PDK2: variants seen among roughly 807,000 people sequenced by gnomAD.
PDK2 encodes the protein pyruvate dehydrogenase kinase, isozyme 2.
A neutral mutation model predicts 50.4 loss-of-function variants in PDK2; 34 were observed. The observed-to-expected ratio is 0.68, with a 90% CI of 0.51 to 0.90. PDK2 has a LOEUF of 0.90. Among genes scored for constraint, PDK2 ranks in the 40% least tolerant of loss-of-function variants. The pLI is 0.00. For missense variants in PDK2, 377 were observed against 544.5 expected, an observed-to-expected ratio of 0.69 and a Z score of 3.06; for synonymous variants, 232 against 216.0, an observed-to-expected ratio of 1.07 and a Z score of -0.65.
chr17:50,095,904 A>T, intron 1 of PDK2: 1 of 698,346 alleles, frequency 1.4e-6, no homozygotes. Context: ...TCATGACTGG[A>T]GGAGTAGGGG....
rs1179128049 is a variant in PDK2, at chr17:50,095,522, C to T, written c.87C>T (p.Ser29=). ...AGCACTTCAGCAAGTTCTCCCCGTC[C>T]CCGCTGTCCATGAAGCAGTTTCTGG... ...YIEHFSKFSP[S]PLSMKQFLDF... Residue 29 remains serine, a synonymous_variant, in exon 1 of 11, where the codon TCC becomes TCT. Transcript: ENST00000503176. 6.2e-7 allele frequency: 1 copy of T among 1,607,258 alleles called. No homozygotes were observed. The highest frequency in any genetic ancestry group is 1.1e-5 in the South Asian group (1 of 89,556).
Position 50,106,083 on chromosome 17 carries a change from A to G in PDK2, c.517+14A>G. 5 of 1,588,708 alleles carry G rather than the reference A, an allele frequency of 3.1e-6. No individual in the cohort carries two copies. The highest frequency in any genetic ancestry group is 4.3e-6 in the Non-Finnish European group (5 of 1,167,118). On this transcript the variant is annotated intron_variant, in intron 4 of 10. Transcript: ENST00000503176. ...TCAACCAGCACAGTGGGTGCCGGCC[A>G]CAGCGGCGGGGAGCGGGCGGTGGGG...
intron 6 of PDK2, chr17:50,107,896 G>A (rs974475104): frequency 7.2e-5 from 38 of 528,370 alleles, no homozygotes; most frequent in Non-Finnish European, 1.1e-4. Context: ...TGCTGGACAG[G>A]TCAGGGCTGG....
At chr17:50,096,008 G>T (rs1281321679) in intron 1 of PDK2, 3 of 599,966 alleles carry the variant, frequency 5.0e-6, no homozygotes, top group Admixed American at 6.3e-5. Flanking sequence ...ACCTGGACTG[G>T]GCATGAAGGG....
rs1910543492 is a variant in PDK2, at chr17:50,106,870, T to C, written c.594T>C (p.Ser198=). 1.2e-6 allele frequency: 2 copies of C among 1,614,014 alleles called. No individual in the cohort carries two copies. Among genetic ancestry groups the C allele is most frequent in the Non-Finnish European group, 1.7e-6 (2 of 1,179,948 alleles). The change falls in exon 5 of 11, where the codon TCT becomes TCC. Residue 198 remains serine (S), a synonymous_variant. Coordinates refer to ENST00000503176, the MANE Select transcript of PDK2 (RefSeq NM_002611.5). The part of the protein sequence containing the change: ...IGSIDPNCNV[S]EVVKDAYDMA... ...GCATCGACCCCAACTGCAACGTCTC[T>C]GAGGTGGTCAAAGGTGAGCCATTCC...
chr17:50,095,937 C>T, intron 1 of PDK2: 2 of 515,388 alleles, frequency 3.9e-6, no homozygotes, highest in Non-Finnish European at 5.1e-6. Context: ...CCAGAGGAAA[C>T]CGGGGGTCTG....
chr17:50,108,782 C>T, intron 9 of PDK2, 63 bp downstream of exon 9: 1 of 962,294 alleles, frequency 1.0e-6, no homozygotes, highest in Admixed American at 2.1e-5. Flanking sequence ...TCACTCACTT[C>T]CTTATCTCCC....
rs1910230328 is a variant in PDK2 at position 50,101,556 on chromosome 17, A to T, written c.261-3815A>T. 4.1e-5 allele frequency among the ~76,000 whole-genome samples: 6 copies of T among 145,646 alleles called. No homozygotes were observed. The highest frequency in any genetic ancestry group is 4.0e-4 in the Admixed American group (6 of 15,078). ...ACACCCTGCTCCCCAGCAGCTGTGGATACGAGTGCACAGGGCACACCCTCG... is the reference window on the plus strand; with the variant it reads ...ACACCCTGCTCCCCAGCAGCTGTGGTTACGAGTGCACAGGGCACACCCTCG... On this transcript the variant is annotated intron_variant, in intron 2 of 10. Coordinates refer to ENST00000503176, the MANE Select transcript of PDK2 (RefSeq NM_002611.5). The surrounding 1 kb of genome is among the most constrained non-coding windows in gnomAD (Gnocchi z 4.2).
At chr17:50,108,800 T>A in intron 9 of PDK2, 81 bp downstream of exon 9, 1 of 865,902 alleles carries the variant, frequency 1.2e-6, no homozygotes, top group Non-Finnish European at 1.9e-6. Context: ...CCCTGCTCAC[T>A]CAGCTTCTGT....
intron 2 of PDK2, chr17:50,100,879 A>G (rs1297047130): frequency 6.6e-6 from 1 of 152,154 alleles, no homozygotes; most frequent in Non-Finnish European, 1.5e-5. Context: ...GGGAGCCTGC[A>G]CTCTGGGCAG....
rs1172521164 is a variant in PDK2 at position 50,095,429 on chromosome 17, C to G, written c.-7C>G. ...GGACCACAACCAAAGTCGCGGCCGCCGCAGCCATGCGCTGGGTGTGGGCGC... is the reference window on the plus strand; with the variant it reads ...GGACCACAACCAAAGTCGCGGCCGCGGCAGCCATGCGCTGGGTGTGGGCGC... On this transcript the variant is annotated 5_prime_UTR_variant, in exon 1 of 11. Coordinates refer to ENST00000503176, the MANE Select transcript of PDK2 (RefSeq NM_002611.5). The G allele has an allele frequency of 1.3e-6, 2 of 1,591,694 alleles. No homozygotes were observed. Among genetic ancestry groups the G allele is most frequent in the African/African-American group, 1.3e-5 (1 of 74,520 alleles).
intron 3 of PDK2, 145 bp from the exon 4 acceptor site, chr17:50,105,740 G>A (rs2144365826): frequency 4.3e-6 from 5 of 1,159,110 alleles, no homozygotes; most frequent in South Asian, 3.1e-5. Flanking sequence ...TAAAAGATCA[G>A]AGTGGGCTTT....
intron 6 of PDK2, among the ~76,000 whole-genome samples, chr17:50,107,842 C>T (rs1280804778): frequency 6.6e-6 from 1 of 152,178 alleles, no homozygotes; most frequent in Non-Finnish European, 1.5e-5. Flanking sequence ...AACCCCAATA[C>T]CAGTGGCTTA....
intron 5 of PDK2, 91 bp downstream of exon 5, chr17:50,106,974 G>A (rs938862752): frequency 1.4e-6 from 2 of 1,465,478 alleles, no homozygotes; most frequent in Non-Finnish European, 1.9e-6. Context: ...TCCTCAGTAA[G>A]GGGTGCCATG....
intron 2 of PDK2, among the ~76,000 whole-genome samples, chr17:50,100,184 C>T (rs996119005): frequency 9.2e-5 from 14 of 152,190 alleles, no homozygotes; most frequent in African/African-American, 3.4e-4. Flanking sequence ...TATTAGTGGT[C>T]ATGGTTCATC....
chr17:50,108,862 A>G (rs1910664436), intron 9 of PDK2, 143 bp downstream of exon 9: 4 of 624,338 alleles, frequency 6.4e-6, no homozygotes, highest in Non-Finnish European at 1.2e-5. Flanking sequence ...CGCACCTCCC[A>G]CATCTCCCCA....
Position 50,106,723 on chromosome 17 carries a change from A to G in PDK2, c.518-71A>G, listed in dbSNP as rs551659331. The G allele has an allele frequency of 1.1e-4, 143 of 1,291,188 alleles. 2 individuals carry two copies. Among genetic ancestry groups the G allele is most frequent in the Non-Finnish European group, 1.6e-4 (141 of 887,702 alleles). The allele number at this position is 1,291,188 out of a possible 1,614,324, so 80.0% of individuals were successfully genotyped here. ...GAGGTGAAAGTAGAAAGAGGAGGAA[A>G]GCCCGGGGGAAGAGGGAGCGCTGGG... On this transcript the variant is annotated intron_variant, in intron 4 of 10. Coordinates refer to ENST00000503176, the MANE Select transcript of PDK2 (RefSeq NM_002611.5).
At chr17:50,097,109 G>T (rs1477587120) in intron 1 of PDK2, among the ~76,000 whole-genome samples, 1 of 152,226 alleles carries the variant, frequency 6.6e-6, no homozygotes, top group Non-Finnish European at 1.5e-5. Flanking sequence ...AGTGTGCTGG[G>T]AGGGAAGGAA....
intron 2 of PDK2, among the ~76,000 whole-genome samples, chr17:50,099,141 G>A (rs1471706834): frequency 1.3e-5 from 2 of 152,262 alleles, no homozygotes; most frequent in East Asian, 1.9e-4. Flanking sequence ...CCCATCGTGG[G>A]TGGTGTGGAG....
Sources: allele counts gnomAD v4.1 joint callset (sites outside exome capture counted in the v4.1 genomes callset), GRCh38; gene constraint gnomAD v4.1.1; non-coding constraint Gnocchi (gnomAD v3.1); transcripts MANE v1.5; gene names NCBI Gene and HGNC (gene_info 2026-07-23, HGNC 2026-07-21).